The following MLIP variants were observed in gnomAD, a reference collection of about 807,000 sequenced individuals.
MLIP encodes muscular LMNA-interacting protein.
A neutral mutation model predicts 84.8 loss-of-function variants in MLIP; 79 were observed. That is an observed-to-expected ratio of 0.93 (90% CI 0.78 to 1.12). The LOEUF is 1.12. MLIP is among the 50% of genes most tolerant of loss of function. The probability of loss-of-function intolerance (pLI) is 0.00; values close to 1 mark genes in which losing one functional copy is unlikely to be tolerated. For synonymous variants in MLIP, 504 were observed against 463.0 expected (o/e 1.09, Z -1.14); for missense variants, 1,257 against 1,160.6 (o/e 1.08, Z -1.21).
intron 1 of MLIP, among the ~76,000 whole-genome samples, chr6:54,116,145 G>A (rs1274663551): frequency 6.6e-6 from 1 of 152,122 alleles, no homozygotes; most frequent in African/African-American, 2.4e-5. Context: ...TGCTCATAAG[G>A]TCATAAGGTC....
intron 3 of MLIP, among the ~76,000 whole-genome samples, chr6:54,126,625 A>G (rs1770940864): frequency 6.6e-6 from 1 of 152,054 alleles, no homozygotes; most frequent in Non-Finnish European, 1.5e-5. Flanking sequence ...TCATCATGAA[A>G]TAAAAATAAG....
chr6:54,252,341 T>C (rs1782674878), intron 12 of MLIP, among the ~76,000 whole-genome samples: 1 of 111,868 alleles, frequency 8.9e-6, no homozygotes, highest in Non-Finnish European at 1.6e-5. Context: ...ATATAATATA[T>C]AATATAACTA....
upstream of MLIP, among the ~76,000 whole-genome samples, chr6:54,110,916 C>T (rs1174316430): frequency 6.6e-6 from 1 of 152,236 alleles, no homozygotes; most frequent in Admixed American, 6.5e-5. Flanking sequence ...AACATAACTT[C>T]AGTCACTACA....
chr6:54,213,017 C>T (rs1779571846), intron 11 of MLIP, among the ~76,000 whole-genome samples: 1 of 152,140 alleles, frequency 6.6e-6, no homozygotes, highest in African/African-American at 2.4e-5. Context: ...CTTTGCACTT[C>T]CCTGTTTCTG....
At chr6:54,253,643 G>A (rs1003951563) in intron 12 of MLIP, among the ~76,000 whole-genome samples, 3 of 152,034 alleles carry the variant, frequency 2.0e-5, no homozygotes, top group Admixed American at 2.0e-4. Context: ...TTGGTGTGAG[G>A]GGATTTTATC....
chr6:54,226,543 A>C (rs1057084966), intron 11 of MLIP, among the ~76,000 whole-genome samples: 4 of 152,136 alleles, frequency 2.6e-5, no homozygotes, highest in African/African-American at 4.8e-5. Flanking sequence ...AAATATTAGC[A>C]GATAATTAAA....
At chr6:54,166,462 G>A (rs1381681180) in intron 8 of MLIP, among the ~76,000 whole-genome samples, 4 of 151,748 alleles carry the variant, frequency 2.6e-5, no homozygotes, top group African/African-American at 7.3e-5. Context: ...AATAAACCCA[G>A]TCCTGAGTTG....
intron 11 of MLIP, among the ~76,000 whole-genome samples, chr6:54,209,890 CTTT>C (rs1321364087): frequency 1.3e-5 from 2 of 151,450 alleles, no homozygotes; most frequent in Admixed American, 6.6e-5. Context: ...AATAATTGTC[CTTT>C]TTTCTTTCTT....
Position 54,064,223 on chromosome 6 carries a change from T to C in MLIP, c.63+45132T>C, listed in dbSNP as rs1051728504. Among the ~76,000 whole-genome samples, 6 of 100,350 alleles carry C rather than the reference T, an allele frequency of 6.0e-5. 1 individual carries two copies. The highest frequency in any genetic ancestry group is 1.5e-4 in the African/African-American group (6 of 39,262). The allele number at this position is 100,350 out of a possible 152,430, so 65.8% of individuals were successfully genotyped here. On this transcript the variant is annotated intron_variant, in intron 1 of 12. Transcript: ENST00000274897. ...CAAGAGTTAACAACAGGTACACGTT[T>C]ATTTGTCACCTAGGGCATGTGATTA... is the stretch of plus-strand genomic sequence containing the variant.
rs780058208 is a variant in MLIP, at chr6:54,124,779, C to T, written c.559C>T (p.Arg187Cys). Residue 187 changes from arginine to cysteine, a missense_variant, in exon 3 of 14, where the codon CGT becomes TGT. Coordinates refer to ENST00000502396, the MANE Select transcript of MLIP (RefSeq NM_001281747.2). ...ISSSLVSDVV[R>C]PKTQGTDLKT... ...GTCCAGTCTGGTCTCTGATGTAGTG[C>T]GTCCCAAAACACAGGGGACTGATCT... The T allele has an allele frequency of 9.9e-6, 16 of 1,613,974 alleles. No homozygotes were observed. Among genetic ancestry groups the T allele is most frequent in the East Asian group, 2.2e-5 (1 of 44,888 alleles).
At chr6:54,032,407 G>A (rs1206352389) in intron 1 of MLIP, 1 of 151,966 alleles carries the variant, frequency 6.6e-6, no homozygotes, top group Non-Finnish European at 1.5e-5. Flanking sequence ...AAAATCCTGT[G>A]CTGAGGGGTA....
At chr6:54,173,371 C>G (rs1387002450) in intron 9 of MLIP, among the ~76,000 whole-genome samples, 1 of 151,656 alleles carries the variant, frequency 6.6e-6, no homozygotes, top group Non-Finnish European at 1.5e-5. Flanking sequence ...TTCTTCATGC[C>G]CAATAACCTT....
At chr6:54,153,070 T>C (rs2150534721) in intron 5 of MLIP, among the ~76,000 whole-genome samples, 1 of 152,278 alleles carries the variant, frequency 6.6e-6, no homozygotes, top group South Asian at 2.1e-4. Flanking sequence ...CTCTTTGCCA[T>C]TTTCACGATA....
intron 11 of MLIP, among the ~76,000 whole-genome samples, chr6:54,213,978 G>C (rs144596859): frequency 3.3e-4 from 50 of 152,154 alleles, no homozygotes; most frequent in Middle Eastern, 3.4e-3. Flanking sequence ...ATCAAGAAGA[G>C]CATAGCCATT....
chr6:54,265,180 T>C (rs1384290540), intron 13 of MLIP, among the ~76,000 whole-genome samples: 1 of 152,154 alleles, frequency 6.6e-6, no homozygotes, highest in Non-Finnish European at 1.5e-5. Context: ...ATTGGTGTTA[T>C]TCCGTCACAT....
At chr6:54,105,131 C>T (rs1170608409) in intron 1 of MLIP, among the ~76,000 whole-genome samples, 1 of 152,116 alleles carries the variant, frequency 6.6e-6, no homozygotes, top group Non-Finnish European at 1.5e-5. Context: ...AATCAGGAGA[C>T]CAGAACCTAT....
chr6:54,234,683 T>C (rs1781246904), intron 12 of MLIP, among the ~76,000 whole-genome samples: 1 of 152,198 alleles, frequency 6.6e-6, no homozygotes, highest in Non-Finnish European at 1.5e-5. Flanking sequence ...GAAATTGCTC[T>C]GTCAAGGGTA....
intron 1 of MLIP, among the ~76,000 whole-genome samples, chr6:54,094,456 A>G (rs960090479): frequency 6.6e-6 from 1 of 152,048 alleles, no homozygotes; most frequent in Admixed American, 6.5e-5. Context: ...TTCACAAGGG[A>G]TTTCTGTTTC....
intron 1 of MLIP, among the ~76,000 whole-genome samples, chr6:54,085,461 G>A (rs938214820): frequency 8.5e-5 from 13 of 152,176 alleles, no homozygotes; most frequent in Non-Finnish European, 1.8e-4. Context: ...CTTAATAAAT[G>A]TCTGGCACAC....
Sources: gnomAD v4.1 joint callset for allele counts (sites outside exome capture counted in the v4.1 genomes callset) on GRCh38, gnomAD v4.1.1 for gene constraint, MANE v1.5 for transcripts, NCBI Gene and HGNC (gene_info 2026-07-23, HGNC 2026-07-21) for gene names.